Variants in ABHD4 observed in about 807,000 individuals in gnomAD.
ABHD4 encodes (Lyso)-N-acylphosphatidylethanolamine lipase.
Under a neutral mutation model 42.3 loss-of-function variants are expected in ABHD4, and 35 were observed. That is an observed-to-expected ratio of 0.83 (90% CI 0.63 to 1.10). The LOEUF (loss-of-function observed/expected upper bound fraction) is 1.10. Among genes scored for constraint, ABHD4 ranks in the 50% least tolerant of loss-of-function variants. The pLI, the probability that ABHD4 is intolerant of heterozygous loss-of-function variation, is 0.00. For missense variants in ABHD4, 389 were observed against 454.8 expected, an observed-to-expected ratio of 0.86 and a Z score of 1.32; for synonymous variants, 169 against 170.6, an observed-to-expected ratio of 0.99 and a Z score of 0.07.
Position 22,603,914 on chromosome 14 carries a change from C to T in ABHD4, c.486-11C>T, listed in dbSNP as rs748440754. The T allele has an allele frequency of 4.3e-6, 7 of 1,613,698 alleles. No individual in the cohort carries two copies. The highest frequency in any genetic ancestry group is 5.9e-6 in the Non-Finnish European group (7 of 1,179,642). ...ATAATGTGTCTTCTCCTCTTTCCGC[C>T]TTTAACATAGAGTTAAACACCTCAT... On this transcript the variant is annotated splice_polypyrimidine_tract_variant and intron_variant, in intron 3 of 6. Transcript: ENST00000428304.
intron 5 of ABHD4, 45 bp from the exon 6 acceptor site, chr14:22,609,679 T>G: frequency 6.3e-7 from 1 of 1,591,124 alleles, no homozygotes; most frequent in Non-Finnish European, 8.6e-7. Flanking sequence ...ACCAACAAGT[T>G]GACATATTCT....
intron 1 of ABHD4, among the ~76,000 whole-genome samples, chr14:22,601,111 C>A (rs947174074): frequency 6.6e-6 from 1 of 152,298 alleles, no homozygotes; most frequent in South Asian, 2.1e-4. Context: ...TCCCTGCCTA[C>A]CCCATCTCCA....
chr14:22,605,589 AAAG>A (rs2037340031), intron 4 of ABHD4, among the ~76,000 whole-genome samples: 1 of 152,182 alleles, frequency 6.6e-6, no homozygotes, highest in African/African-American at 2.4e-5. Context: ...CCTTTGCCAA[AAAG>A]AAGGTCTGCT....
rs1186712256 is a variant in ABHD4 at position 22,610,991 on chromosome 14, C to T, written c.*43C>T. On this transcript the variant is annotated 3_prime_UTR_variant, in exon 7 of 7. Coordinates refer to ENST00000428304, the MANE Select transcript of ABHD4 (RefSeq NM_022060.3). The stretch of plus-strand genomic sequence containing the variant: ...AAGAGGAGAAAGCCAGAGAGTCACT[C>T]TTACCTCCCTGTCTGCTTACTCACC... 6.4e-7 allele frequency: 1 copy of T among 1,552,844 alleles called. No individual in the cohort carries two copies. Among genetic ancestry groups the T allele is most frequent in the Non-Finnish European group, 8.9e-7 (1 of 1,125,668 alleles).
Position 22,609,819 on chromosome 14 carries a change from T to C in ABHD4, c.848T>C (p.Ile283Thr), listed in dbSNP as rs2037390404. The C allele has an allele frequency of 6.2e-7, 1 of 1,614,084 alleles. No individual in the cohort carries two copies. The highest frequency in any genetic ancestry group is 1.6e-4 in the Middle Eastern group (1 of 6,062). Residue 283 changes from isoleucine (I) to threonine (T), a missense_variant, in exon 6 of 7, where the codon ATC becomes ACC. By Grantham distance (89) the Ile-to-Thr change is moderately conservative. Transcript: ENST00000428304. ...CACTTGATTCGAAAAGATGTGCCTA[T>C]CACTATGATCTACGGGTCCGACACC... is the stretch of plus-strand genomic sequence containing the variant. ...RIHLIRKDVP[I>T]TMIYGSDTWI...
At chr14:22,610,124 C>T (rs2037395234) in intron 6 of ABHD4, among the ~76,000 whole-genome samples, 2 of 151,934 alleles carry the variant, frequency 1.3e-5, no homozygotes, top group South Asian at 4.1e-4. Flanking sequence ...ATGGTACAAT[C>T]TCGGCTCACT....
rs941685549 is a variant in ABHD4 at position 22,612,220 on chromosome 14, C to T, written c.*1272C>T. On this transcript the variant is annotated 3_prime_UTR_variant, in exon 7 of 7. Coordinates refer to ENST00000428304, the MANE Select transcript of ABHD4 (RefSeq NM_022060.3). ...CAGTAGGCTGGGCCTGGCCTCAGAA[C>T]CTGGTGGCTCCTGCCTGCTCCTTCA... The T allele has an allele frequency of 6.5e-6, 1 of 152,702 alleles. No homozygotes were observed. The highest frequency in any genetic ancestry group is 2.4e-5 in the African/African-American group (1 of 41,448). The allele number at this position is 152,702 out of a possible 1,614,324, so 9.5% of individuals were successfully genotyped here.
chr14:22,608,716 T>C (rs2139272125), intron 5 of ABHD4, among the ~76,000 whole-genome samples: 1 of 152,310 alleles, frequency 6.6e-6, no homozygotes, highest in Non-Finnish European at 1.5e-5. Flanking sequence ...TGTTTGTTTG[T>C]TTTTGAGATG....
Position 22,603,635 on chromosome 14 carries a change from G to A in ABHD4, c.358G>A (p.Ala120Thr). The part of the protein sequence containing the change: ...RPAFPRDPEG[A>T]EDEFVTSIET... Reference sequence around the variant, plus strand: ...AGCATTCCCAAGGGACCCGGAGGGGGCTGAGGATGAGTTTGTGACATCGAT... The same window carrying A: ...AGCATTCCCAAGGGACCCGGAGGGGACTGAGGATGAGTTTGTGACATCGAT... Residue 120 changes from alanine (A) to threonine (T), a missense_variant, in exon 3 of 7, where the codon GCT (alanine) becomes ACT (threonine). This residue lies in a region of ABHD4 where 38 missense variants were observed against 72.1 expected (regional missense o/e 0.53). Coordinates refer to ENST00000428304, the MANE Select transcript of ABHD4 (RefSeq NM_022060.3). 1 of 1,614,148 alleles carries A rather than the reference G, an allele frequency of 6.2e-7. No individual in the cohort carries two copies. The highest frequency in any genetic ancestry group is 8.5e-7 in the Non-Finnish European group (1 of 1,180,018).
chr14:22,600,445 T>C (rs1434395596), intron 1 of ABHD4, among the ~76,000 whole-genome samples: 1 of 152,234 alleles, frequency 6.6e-6, no homozygotes, highest in East Asian at 1.9e-4. Flanking sequence ...ATACAGAGGC[T>C]AGACTAGTTG....
intron 4 of ABHD4, 162 bp downstream of exon 4, chr14:22,604,241 T>C: frequency 2.3e-6 from 2 of 861,838 alleles, no homozygotes; most frequent in Non-Finnish European, 3.5e-6. Context: ...AGAAGGTTTT[T>C]TGTTTTTTTG....
chr14:22,598,346 C>CCTTTCTCT lies in ABHD4; in HGVS notation c.23+28_23+35dup. ...GGAGCAGCAGTGAGTTAATCCTGTC[C>CCTTTCTCT]CTTTCTCTCTTTCTCTCTCTCTCTC... On this transcript the variant is annotated intron_variant, in intron 1 of 6. Coordinates refer to ENST00000428304, the MANE Select transcript of ABHD4 (RefSeq NM_022060.3). The CCTTTCTCT allele has an allele frequency of 6.5e-7, 1 of 1,550,318 alleles. No homozygotes were observed. Among genetic ancestry groups the CCTTTCTCT allele is most frequent in the African/African-American group, 1.4e-5 (1 of 73,130 alleles).
chr14:22,598,708 C>T (rs777486389), intron 1 of ABHD4: 3 of 389,534 alleles, frequency 7.7e-6, no homozygotes, highest in Non-Finnish European at 1.5e-5. Context: ...CGACTTGCCC[C>T]CCAGAACGGC....
intron 1 of ABHD4, 104 bp downstream of exon 1, chr14:22,598,433 C>G: frequency 6.5e-7 from 1 of 1,548,524 alleles, no homozygotes; most frequent in Non-Finnish European, 8.7e-7. Context: ...TCCCGCTCTT[C>G]CTTTTCCAGG....
chr14:22,598,465 G>C (rs1399257923), intron 1 of ABHD4, 136 bp downstream of exon 1: 1 of 1,538,442 alleles, frequency 6.5e-7, no homozygotes, highest in Admixed American at 2.0e-5. Flanking sequence ...GGAGGGCGGG[G>C]GGTGGGTGCG....
At chr14:22,599,274 G>A (rs1016845217) in intron 1 of ABHD4, among the ~76,000 whole-genome samples, 4 of 152,188 alleles carry the variant, frequency 2.6e-5, no homozygotes, top group Non-Finnish European at 5.9e-5. Flanking sequence ...AAGGACTTAG[G>A]GAGGCAGAAT....
In ABHD4 at chr14:22,609,841, C is replaced by A. The variant is rs1263574452; in HGVS notation, c.870C>A (p.Asp290Glu). Reference sequence around the variant, plus strand: ...CTATCACTATGATCTACGGGTCCGACACCTGGATAGATACCAGTACGGGAA... The same window carrying A: ...CTATCACTATGATCTACGGGTCCGAAACCTGGATAGATACCAGTACGGGAA... ...DVPITMIYGSDTWIDTSTGKK... is the reference protein window; with the variant it reads ...DVPITMIYGSETWIDTSTGKK... The change falls in exon 6 of 7, where the codon GAC (aspartate) becomes GAA (glutamate). Residue 290 changes from aspartate (D) to glutamate (E), a missense_variant. Around this residue, in one of 3 missense-constraint regions of ABHD4, gnomAD observed 249 missense variants for 254.4 expected, o/e 0.98. Coordinates refer to ENST00000428304, the MANE Select transcript of ABHD4 (RefSeq NM_022060.3). 6.2e-7 allele frequency: 1 copy of A among 1,614,084 alleles called. No homozygotes were observed. Among genetic ancestry groups the A allele is most frequent in the Non-Finnish European group, 8.5e-7 (1 of 1,180,016 alleles).
intron 1 of ABHD4, among the ~76,000 whole-genome samples, chr14:22,599,640 C>A (rs1483251224): frequency 6.6e-6 from 1 of 152,214 alleles, no homozygotes; most frequent in Admixed American, 6.5e-5. Flanking sequence ...CTCTGCTGAG[C>A]AGTCTATGAT....
At chr14:22,600,831 G>GGGTGTGTGT in intron 1 of ABHD4, among the ~76,000 whole-genome samples, 1 of 65,224 alleles carries the variant, frequency 1.5e-5, no homozygotes, top group East Asian at 3.1e-4. Context: ...CCAGCAGGGG[G>GGGTGTGTGT]GTGTGTGTGT....
Sources: gnomAD v4.1 joint callset for allele counts (sites outside exome capture counted in the v4.1 genomes callset) on GRCh38, gnomAD v4.1.1 for gene constraint, gnomAD v4.1.1 regional missense constraint, MANE v1.5 for transcripts, NCBI Gene and HGNC (gene_info 2026-07-23, HGNC 2026-07-21) for gene names.